Variants in SCFD1 observed in about 807,000 individuals in gnomAD.
SCFD1 encodes sec1 family domain containing 1, also known as sec1 family domain-containing protein 1.
SCFD1 carries 37 observed loss-of-function variants against 103.2 expected under a neutral mutation model. The observed-to-expected ratio is 0.36, with a 90% CI of 0.28 to 0.47. The LOEUF is 0.47. Among genes scored for constraint, SCFD1 ranks in the 20% least tolerant of loss-of-function variants. The pLI, the probability that SCFD1 is intolerant of heterozygous loss-of-function variation, is 1.00. For synonymous variants in SCFD1, 264 were observed against 245.0 expected, an observed-to-expected ratio of 1.08 and a Z score of -0.73; for missense variants, 639 against 761.2, an observed-to-expected ratio of 0.84 and a Z score of 1.89.
At chr14:30,681,571 C>A (rs1047374819) in intron 14 of SCFD1, among the ~76,000 whole-genome samples, 5 of 128,980 alleles carry the variant, frequency 3.9e-5, no homozygotes, top group South Asian at 2.7e-4. Flanking sequence ...TGAAAACAAT[C>A]TGATAAAAGC....
chr14:30,648,068 A>G (rs1026042462), intron 7 of SCFD1, among the ~76,000 whole-genome samples: 2 of 152,204 alleles, frequency 1.3e-5, no homozygotes, highest in Non-Finnish European at 2.9e-5. Context: ...ATACTATCGT[A>G]TTTTTGTTTT....
intron 10 of SCFD1, 53 bp from the exon 11 acceptor site, chr14:30,670,203 A>G: frequency 1.4e-6 from 2 of 1,425,114 alleles, no homozygotes; most frequent in South Asian, 1.3e-5. Flanking sequence ...ACAAGATTCT[A>G]TTTTTATTAG....
intron 7 of SCFD1, among the ~76,000 whole-genome samples, chr14:30,648,438 GAAT>G (rs1330604275): frequency 2.0e-5 from 3 of 152,108 alleles, no homozygotes; most frequent in Non-Finnish European, 4.4e-5. Context: ...CAACCTATAT[GAAT>G]AATGTGTTTT....
intron 9 of SCFD1, among the ~76,000 whole-genome samples, chr14:30,652,851 A>G (rs1377029112): frequency 6.6e-6 from 1 of 152,008 alleles, no homozygotes; most frequent in Non-Finnish European, 1.5e-5. Flanking sequence ...TCTAAAAAAA[A>G]TTTAAAAATT....
In SCFD1 at chr14:30,691,977, G is replaced by T. The variant is rs1203850186; in HGVS notation, c.1243-2796G>T. On this transcript the variant is annotated intron_variant, in intron 14 of 24. Coordinates refer to ENST00000458591, the MANE Select transcript of SCFD1 (RefSeq NM_016106.4). ...ATTTATTTATTTATTTATAGACAGG[G>T]TCTCACTATGTTTCCCAGGCTAGTC... 5.2e-5 allele frequency among the ~76,000 whole-genome samples: 6 copies of T among 116,346 alleles called. No individual in the cohort carries two copies. In the South Asian group the frequency reaches 1.5e-3, roughly 30 times the overall value. The allele number at this position is 116,346 out of a possible 152,430, so 76.3% of individuals were successfully genotyped here. A position where few individuals can be genotyped will look rare whatever the true frequency, so the allele number is the denominator to read the frequency against.
chr14:30,694,652 G>A, intron 14 of SCFD1, 121 bp from the exon 15 acceptor site: 1 of 1,332,008 alleles, frequency 7.5e-7, no homozygotes, highest in Non-Finnish European at 9.7e-7. Flanking sequence ...CTGTACTTTT[G>A]ACCTGTCTGA....
At chr14:30,622,432 G>T in intron 1 of SCFD1, 33 bp downstream of exon 1, 5 of 1,549,836 alleles carry the variant, frequency 3.2e-6, no homozygotes, top group Non-Finnish European at 4.4e-6. Flanking sequence ...TTGAAGCTTC[G>T]TGACTGCCCC....
intron 8 of SCFD1, 73 bp from the exon 9 acceptor site, chr14:30,650,492 A>C: frequency 1.1e-6 from 1 of 880,360 alleles, no homozygotes; most frequent in Non-Finnish European, 1.8e-6. Context: ...ATGAAACTAA[A>C]AACACATTTT....
At chr14:30,647,508 A>G (rs1175653058) in intron 7 of SCFD1, among the ~76,000 whole-genome samples, 5 of 152,038 alleles carry the variant, frequency 3.3e-5, no homozygotes, top group African/African-American at 1.2e-4. Context: ...AAAAATATAT[A>G]TTACCTTATG....
chr14:30,674,424 C>T (rs1888837913), intron 13 of SCFD1, among the ~76,000 whole-genome samples: 1 of 151,958 alleles, frequency 6.6e-6, no homozygotes, highest in African/African-American at 2.4e-5. Flanking sequence ...GGGCAGATCA[C>T]AAGGTCAAGA....
chr14:30,697,291 G>A (rs1275383005), intron 15 of SCFD1, among the ~76,000 whole-genome samples: 3 of 152,088 alleles, frequency 2.0e-5, no homozygotes, highest in Non-Finnish European at 4.4e-5. Flanking sequence ...CAAAAATGAT[G>A]GAACTTGTCA....
intron 18 of SCFD1, chr14:30,707,738 C>G: frequency 2.2e-6 from 1 of 463,764 alleles, no homozygotes; most frequent in Non-Finnish European, 4.0e-6. Flanking sequence ...GAGGGCAGCT[C>G]TTTATTTTTG....
chr14:30,723,801 G>T (rs1228328804), intron 23 of SCFD1, among the ~76,000 whole-genome samples: 10 of 152,144 alleles, frequency 6.6e-5, no homozygotes, highest in Non-Finnish European at 1.5e-4. Flanking sequence ...TCTAACATCA[G>T]TGGACATTTA....
intron 3 of SCFD1, among the ~76,000 whole-genome samples, chr14:30,633,726 A>T (rs1337785587): frequency 6.6e-6 from 1 of 152,204 alleles, no homozygotes. Flanking sequence ...GTGTGAGCAG[A>T]ATAGAACAAA....
chr14:30,664,621 G>A (rs868513442), intron 10 of SCFD1, among the ~76,000 whole-genome samples: 5 of 151,946 alleles, frequency 3.3e-5, no homozygotes, highest in South Asian at 4.1e-4. Flanking sequence ...TGTTTGAACC[G>A]GTCACAAGGA....
chr14:30,715,337 T>G (rs998589051), intron 19 of SCFD1: 2 of 152,058 alleles, frequency 1.3e-5, no homozygotes, highest in Non-Finnish European at 2.9e-5. Flanking sequence ...TCCCAGCAGT[T>G]TGGGAAGCTG....
intron 14 of SCFD1, among the ~76,000 whole-genome samples, chr14:30,678,818 A>T (rs192440859): frequency 6.6e-6 from 1 of 152,298 alleles, no homozygotes; most frequent in African/African-American, 2.4e-5. Flanking sequence ...AGCTATCAAT[A>T]AACTTTGTGA....
In SCFD1 at chr14:30,735,654, A is replaced by G. The variant is rs763947483; in HGVS notation, c.*45A>G. On this transcript the variant is annotated 3_prime_UTR_variant, in exon 25 of 25. Coordinates refer to ENST00000458591, the MANE Select transcript of SCFD1 (RefSeq NM_016106.4). ...GATAATCTACTTGGAATGTGGATAA[A>G]TGTAAAAAGAAGAAAAGTTAGAAGA... 6.9e-7 allele frequency: 1 copy of G among 1,446,418 alleles called. No homozygotes were observed. The highest frequency in any genetic ancestry group is 9.6e-7 in the Non-Finnish European group (1 of 1,046,514). The allele number at this position is 1,446,418 out of a possible 1,614,324, so 89.6% of individuals were successfully genotyped here.
intron 10 of SCFD1, among the ~76,000 whole-genome samples, chr14:30,655,379 G>A (rs1027207079): frequency 2.0e-5 from 3 of 152,134 alleles, no homozygotes; most frequent in African/African-American, 7.2e-5. Flanking sequence ...TAAATAAATA[G>A]GACCCAGGAA....
Sources: gnomAD v4.1 joint callset for allele counts (sites outside exome capture counted in the v4.1 genomes callset) on GRCh38, gnomAD v4.1.1 for gene constraint, MANE v1.5 for transcripts, NCBI Gene and HGNC (gene_info 2026-07-23, HGNC 2026-07-21) for gene names.